The following TFDP2 variants were observed in gnomAD, a reference collection of about 807,000 sequenced individuals.
TFDP2 encodes transcription factor Dp-2.
Under a neutral mutation model 59.3 loss-of-function variants are expected in TFDP2, and 17 were observed. That is an observed-to-expected ratio of 0.29 (90% CI 0.20 to 0.43). TFDP2 has a LOEUF of 0.43. Among genes scored for constraint, TFDP2 ranks in the 20% least tolerant of loss-of-function variants. TFDP2 has a pLI of 1.00. For synonymous variants in TFDP2, 180 were observed against 194.7 expected (o/e 0.92, Z 0.63); for missense variants, 391 against 528.8 (o/e 0.74, Z 2.56).
intron 6 of TFDP2, among the ~76,000 whole-genome samples, chr3:141,992,224 G>T (rs778047543): frequency 4.0e-5 from 6 of 151,450 alleles, no homozygotes; most frequent in Admixed American, 6.6e-5. Flanking sequence ...GGGTGGTGGG[G>T]ATACATTACA....
chr3:141,996,566 T>C (rs1045728552), intron 4 of TFDP2, among the ~76,000 whole-genome samples: 4 of 152,260 alleles, frequency 2.6e-5, no homozygotes, highest in Non-Finnish European at 5.9e-5. Flanking sequence ...AACATGTTTC[T>C]GCAGCCAGGG....
intron 1 of TFDP2, among the ~76,000 whole-genome samples, chr3:142,129,599 G>A (rs991168428): frequency 3.3e-5 from 5 of 151,920 alleles, no homozygotes; most frequent in African/African-American, 9.7e-5. Context: ...CCCCTATAAT[G>A]CAACAATTTT....
chr3:142,057,082 A>T (rs2059772271), intron 3 of TFDP2, among the ~76,000 whole-genome samples: 1 of 152,208 alleles, frequency 6.6e-6, no homozygotes, highest in African/African-American at 2.4e-5. Flanking sequence ...TTCACTGGCC[A>T]TGTGGAGTCA....
intron 8 of TFDP2, among the ~76,000 whole-genome samples, chr3:141,971,629 A>G (rs1939777877): frequency 6.6e-6 from 1 of 152,184 alleles, no homozygotes; most frequent in South Asian, 2.1e-4. Context: ...ACCAAACAAA[A>G]ATGGAGTCAC....
At chr3:142,115,350 G>A (rs1020163318) in intron 1 of TFDP2, among the ~76,000 whole-genome samples, 14 of 129,692 alleles carry the variant, frequency 1.1e-4, no homozygotes, top group African/African-American at 3.9e-4. Flanking sequence ...ACAGAGTCCC[G>A]CTCTCTCGCT....
At chr3:142,035,774 G>A (rs141072671) in intron 3 of TFDP2, among the ~76,000 whole-genome samples, 153 of 152,246 alleles carry the variant, frequency 1.0e-3, no homozygotes, top group African/African-American at 3.5e-3. Flanking sequence ...CTGCACAAGC[G>A]CTCCTCTCTT....
At chr3:142,004,385 T>C (rs999565002) in intron 4 of TFDP2, among the ~76,000 whole-genome samples, 11 of 152,214 alleles carry the variant, frequency 7.2e-5, no homozygotes, top group African/African-American at 2.4e-4. Flanking sequence ...AGTGCTGTTG[T>C]ACATTATGGG....
chr3:142,018,326 G>A (rs1394772587), intron 3 of TFDP2, among the ~76,000 whole-genome samples: 1 of 152,080 alleles, frequency 6.6e-6, no homozygotes, highest in Non-Finnish European at 1.5e-5. Flanking sequence ...TAATGGAAAA[G>A]TTTTAGTATT....
At chr3:142,050,355 G>A (rs748229594) in intron 3 of TFDP2, among the ~76,000 whole-genome samples, 8 of 151,510 alleles carry the variant, frequency 5.3e-5, no homozygotes, top group African/African-American at 1.5e-4. Flanking sequence ...ATCCTTCTGC[G>A]ACACTGAATT....
intron 3 of TFDP2, among the ~76,000 whole-genome samples, chr3:142,060,790 T>C (rs1186970814): frequency 6.6e-6 from 1 of 152,156 alleles, no homozygotes; most frequent in Admixed American, 6.6e-5. Flanking sequence ...ATTTCAAAGA[T>C]TTTAAAGCTC....
Position 142,121,585 on chromosome 3 carries a change from C to G in TFDP2, c.-92-19744G>C, listed in dbSNP as rs147322235. Among the ~76,000 whole-genome samples, 3 of 152,298 alleles carry G rather than the reference C, an allele frequency of 2.0e-5. No homozygotes were observed. The highest frequency in any genetic ancestry group is 4.4e-5 in the Non-Finnish European group (3 of 68,014). ...CAATCCAACTATTGTATTAAACCAG[C>G]TAAAGTGGCTTCTAATTCTTTTGTA... On this transcript the variant is annotated intron_variant, in intron 1 of 12. Transcript: ENST00000489671. The surrounding 1 kb of genome is among the most constrained non-coding windows in gnomAD (Gnocchi z 4.3).
intron 9 of TFDP2, among the ~76,000 whole-genome samples, chr3:141,966,847 G>A (rs1182793310): frequency 1.3e-5 from 2 of 149,190 alleles, no homozygotes; most frequent in Non-Finnish European, 3.0e-5. Context: ...CATGTGACAT[G>A]AGTGAGTTGT....
At chr3:142,021,786 T>C (rs139005774) in intron 3 of TFDP2, among the ~76,000 whole-genome samples, 1 of 152,314 alleles carries the variant, frequency 6.6e-6, no homozygotes, top group East Asian at 1.9e-4. Flanking sequence ...ATCTGGAATA[T>C]TATAATTGGT....
chr3:142,083,029 CAA>C lies in TFDP2; in HGVS notation c.82+10030_82+10031del, dbSNP rs527243135. On this transcript the variant is annotated intron_variant, in intron 3 of 12. Coordinates refer to ENST00000489671, the MANE Select transcript of TFDP2 (RefSeq NM_001178139.2). ...GGAAGTCCTAGCTACAACATTCAGA[CAA>C]GAGATAAAAATAAAGGGCCATTCAA... Among the ~76,000 whole-genome samples, 168 of 152,018 alleles carry C rather than the reference CAA, an allele frequency of 1.1e-3. 1 individual carries two copies. The highest frequency in any genetic ancestry group is 3.9e-3 in the African/African-American group (160 of 41,474).
intron 4 of TFDP2, chr3:142,000,283 A>T (rs550203547): frequency 5.3e-5 from 37 of 702,860 alleles, no homozygotes; most frequent in South Asian, 4.6e-4. Context: ...GTCCAAAATG[A>T]AAGTGCCGGC....
intron 3 of TFDP2, among the ~76,000 whole-genome samples, chr3:142,008,996 T>C (rs937637747): frequency 1.3e-4 from 20 of 152,212 alleles, no homozygotes; most frequent in African/African-American, 4.8e-4. Flanking sequence ...GCCTCTGCTC[T>C]ATGCATCTCC....
chr3:142,120,837 G>T (rs1471014895), intron 1 of TFDP2, among the ~76,000 whole-genome samples: 1 of 151,996 alleles, frequency 6.6e-6, no homozygotes, highest in Non-Finnish European at 1.5e-5. Flanking sequence ...TAACCCCATG[G>T]CACTATTCAT....
intron 3 of TFDP2, among the ~76,000 whole-genome samples, chr3:142,020,129 G>C (rs180731472): frequency 6.6e-5 from 10 of 152,266 alleles, no homozygotes; most frequent in African/African-American, 2.4e-4. Context: ...CCTTAAGACT[G>C]TATTTCTAAT....
intron 3 of TFDP2, among the ~76,000 whole-genome samples, chr3:142,082,886 A>G (rs1377836206): frequency 6.6e-6 from 1 of 152,230 alleles, no homozygotes; most frequent in Non-Finnish European, 1.5e-5. Flanking sequence ...AATAAAAGGC[A>G]TACATGACAG....
Sources: gnomAD v4.1 joint callset for allele counts (sites outside exome capture counted in the v4.1 genomes callset) on GRCh38, gnomAD v4.1.1 for gene constraint, Gnocchi (gnomAD v3.1) non-coding constraint, MANE v1.5 for transcripts, NCBI Gene and HGNC (gene_info 2026-07-23, HGNC 2026-07-21) for gene names.